Variants in CSMD2 observed in about 807,000 individuals in gnomAD.
CSMD2 encodes CUB and sushi domain-containing protein 2.
CSMD2 carries 130 observed loss-of-function variants against 398.5 expected under a neutral mutation model. The ratio of observed to expected loss-of-function variants is 0.33; its 90% CI spans 0.28 to 0.38. The LOEUF is 0.38. CSMD2 is among the 10% of genes least tolerant of loss of function. CSMD2 has a pLI of 1.00. For synonymous variants in CSMD2, 1,828 were observed against 1,908.5 expected (o/e 0.96, Z 1.10); for missense variants, 3,829 against 4,764.9 (o/e 0.80, Z 5.78).
At chr1:33,646,925 C>T (rs1346362754) in intron 28 of CSMD2, 90 bp from the exon 29 acceptor site, 2 of 1,317,578 alleles carry the variant, frequency 1.5e-6, no homozygotes, top group Non-Finnish European at 2.1e-6. Flanking sequence ...CATAGGGCCT[C>T]CCAGGGAGCA....
chr1:34,029,774 TC>T (rs1650176813), intron 3 of CSMD2, among the ~76,000 whole-genome samples: 2 of 152,342 alleles, frequency 1.3e-5, no homozygotes, highest in Non-Finnish European at 2.9e-5. Context: ...GCTACAGCAA[TC>T]TGTTAGCATT....
At position 33,787,263 on chromosome 1, in the gene CSMD2, G is replaced by A. The variant is rs571177819; in HGVS notation, c.1663+1337C>T. On this transcript the variant is annotated intron_variant, in intron 12 of 70. Coordinates refer to ENST00000373381, the MANE Select transcript of CSMD2 (RefSeq NM_001281956.2). ...CCAGAATGTGAGAGAATAAATGTCC[G>A]TTGTGTGAAGCCAGCCAGCCCAAGA... is the stretch of plus-strand genomic sequence containing the variant. Among the ~76,000 whole-genome samples, 7 of 152,318 alleles carry A rather than the reference G, an allele frequency of 4.6e-5. No homozygotes were observed. In the East Asian group the frequency reaches 5.8e-4, roughly 13 times the overall value.
At chr1:33,738,935 T>C (rs1215497743) in intron 15 of CSMD2, among the ~76,000 whole-genome samples, 2 of 152,166 alleles carry the variant, frequency 1.3e-5, no homozygotes, top group Admixed American at 6.5e-5. Context: ...TCTACTTTAA[T>C]CTCTGGTTAT....
At chr1:34,143,870 C>G (rs1639529254) in intron 1 of CSMD2, among the ~76,000 whole-genome samples, 1 of 152,174 alleles carries the variant, frequency 6.6e-6, no homozygotes, top group African/African-American at 2.4e-5. Context: ...ACATCAGTTT[C>G]TATCAAGGAG....
intron 5 of CSMD2, among the ~76,000 whole-genome samples, chr1:33,899,939 C>G (rs1366504720): frequency 6.6e-6 from 1 of 152,210 alleles, no homozygotes; most frequent in African/African-American, 2.4e-5. Context: ...CAGCCTGAAG[C>G]TGCCTCCCTG....
At chr1:34,160,818 G>A (rs1243865182) in intron 1 of CSMD2, among the ~76,000 whole-genome samples, 6 of 152,154 alleles carry the variant, frequency 3.9e-5, no homozygotes, top group Non-Finnish European at 8.8e-5. Flanking sequence ...CTGACTAAAA[G>A]CAAGCACTCA....
At position 33,533,368 on chromosome 1, in the gene CSMD2, A is replaced by C. The variant is rs139432803; in HGVS notation, c.9992-139T>G. On this transcript the variant is annotated intron_variant, in intron 63 of 70. Coordinates refer to ENST00000373381, the MANE Select transcript of CSMD2 (RefSeq NM_001281956.2). The surrounding 1 kb of genome is among the most constrained non-coding windows in gnomAD (Gnocchi z 4.2). Reference sequence around the variant, plus strand: ...TTTCATGCCAAGCATCCCCCTCCCTAATCCTCCACCCTAACCCAAGCTCTG... The same window carrying C: ...TTTCATGCCAAGCATCCCCCTCCCTCATCCTCCACCCTAACCCAAGCTCTG... 3.2e-4 allele frequency: 247 copies of C among 769,934 alleles called. No homozygotes were observed. In the African/African-American group the frequency reaches 3.9e-3, roughly 12 times the overall value. 47.7% of individuals were successfully genotyped at this position (769,934 alleles called of 1,614,324 possible).
At chr1:33,716,046 C>CT (rs538299808) in intron 20 of CSMD2, among the ~76,000 whole-genome samples, 145 of 152,226 alleles carry the variant, frequency 9.5e-4, no homozygotes, top group African/African-American at 3.4e-3. Context: ...AGAGCAAATC[C>CT]TAAACACCTT....
At chr1:33,986,799 C>T (rs552201) in intron 3 of CSMD2, among the ~76,000 whole-genome samples, 13,348 of 152,194 alleles carry the variant, frequency 0.088, 883 homozygotes, top group African/African-American at 0.18. Context: ...GGTAAACAGA[C>T]CTCTGTCAGC....
intron 5 of CSMD2, among the ~76,000 whole-genome samples, chr1:33,901,510 C>A (rs17342783): frequency 6.6e-6 from 1 of 152,140 alleles, no homozygotes; most frequent in Non-Finnish European, 1.5e-5. Flanking sequence ...TGTGCCAGTG[C>A]GTCGTAGGAG....
intron 3 of CSMD2, among the ~76,000 whole-genome samples, chr1:34,010,510 T>A (rs1393218080): frequency 6.6e-6 from 1 of 152,174 alleles, no homozygotes; most frequent in Non-Finnish European, 1.5e-5. Context: ...CTTAGAGAGG[T>A]TCAGTGACTG....
intron 3 of CSMD2, among the ~76,000 whole-genome samples, chr1:33,997,461 T>C (rs1646763253): frequency 6.6e-6 from 1 of 152,182 alleles, no homozygotes; most frequent in Admixed American, 6.5e-5. Context: ...ATCCATTTAA[T>C]ATGTTGGGAC....
In CSMD2 at chr1:33,735,435, C is replaced by T. The variant is rs556374557; in HGVS notation, c.2368+3705G>A. 2.6e-5 allele frequency among the ~76,000 whole-genome samples: 4 copies of T among 152,288 alleles called. No homozygotes were observed. In the East Asian group the frequency reaches 7.7e-4, roughly 29 times the overall value. On this transcript the variant is annotated intron_variant, in intron 15 of 70. Transcript: ENST00000373381. ...TCAGGCAGGTACGCCGGTGTAGCTG[C>T]CTTCACTACCCGGAAGTCTTTCTTG... is the stretch of plus-strand genomic sequence containing the variant.
Position 33,633,961 on chromosome 1 carries a change from T to G in CSMD2, c.5087-426A>C, listed in dbSNP as rs531014314. On this transcript the variant is annotated intron_variant, in intron 31 of 70. Coordinates refer to ENST00000373381, the MANE Select transcript of CSMD2 (RefSeq NM_001281956.2). This position sits in a 1 kb window ranked among gnomAD's most constrained non-coding sequence, Gnocchi z 5.0. ...ACGTCAGTTAGTCAGTGTCATTGAG[T>G]TGAAAACTGTATACAGAGATCTGTA... Among the ~76,000 whole-genome samples, 1 of 152,164 alleles carries G rather than the reference T, an allele frequency of 6.6e-6. No homozygotes were observed. Among genetic ancestry groups the G allele is most frequent in the Admixed American group, 6.5e-5 (1 of 15,290 alleles).
At position 34,125,273 on chromosome 1, in the gene CSMD2, C is replaced by A. The variant is rs1174175065; in HGVS notation, c.188-36080G>T. On this transcript the variant is annotated intron_variant, in intron 1 of 70. Transcript: ENST00000373381. ...GAAGACAGATATAAATGCACAGAAG[C>A]TGAGGCAGGTAGAGAGGGAAGGACA... 4.6e-5 allele frequency among the ~76,000 whole-genome samples: 7 copies of A among 152,246 alleles called. No homozygotes were observed. The East Asian group carries it at 1.4e-3, about 29-fold the overall frequency.
At chr1:33,963,904 A>C (rs1482638056) in intron 3 of CSMD2, among the ~76,000 whole-genome samples, 1 of 152,224 alleles carries the variant, frequency 6.6e-6, no homozygotes, top group Non-Finnish European at 1.5e-5. Flanking sequence ...ATATGTGTTA[A>C]TTTTCCTTGC....
chr1:34,065,668 T>A (rs1302062858), intron 2 of CSMD2, among the ~76,000 whole-genome samples: 1 of 152,192 alleles, frequency 6.6e-6, no homozygotes, highest in Non-Finnish European at 1.5e-5. Context: ...TATGGAAATG[T>A]TGTAAGCAAG....
At chr1:34,091,818 C>T (rs1221927830) in intron 1 of CSMD2, among the ~76,000 whole-genome samples, 1 of 152,080 alleles carries the variant, frequency 6.6e-6, no homozygotes, top group Non-Finnish European at 1.5e-5. Flanking sequence ...TAAGGTGAAA[C>T]ACCTGATTAA....
intron 3 of CSMD2, among the ~76,000 whole-genome samples, chr1:33,940,039 C>T (rs1644614533): frequency 6.6e-6 from 1 of 152,148 alleles, no homozygotes; most frequent in Non-Finnish European, 1.5e-5. Flanking sequence ...GTTATGAAGG[C>T]TAGAAGTTTA....
Sources: allele counts gnomAD v4.1 joint callset (sites outside exome capture counted in the v4.1 genomes callset), GRCh38; gene constraint gnomAD v4.1.1; non-coding constraint Gnocchi (gnomAD v3.1); transcripts MANE v1.5; gene names NCBI Gene and HGNC (gene_info 2026-07-23, HGNC 2026-07-21).